The following BICDL1 variants were observed in gnomAD, a reference collection of about 807,000 sequenced individuals.
BICDL1 encodes the protein BICD family-like cargo adapter 1.
In BICDL1, 20 loss-of-function variants were observed where a neutral mutation model predicts 76.8. The ratio of observed to expected loss-of-function variants is 0.26; its 90% CI spans 0.18 to 0.38. BICDL1 has a LOEUF of 0.38. Ranked by LOEUF, BICDL1 falls within the 10% of genes least tolerant of loss-of-function variation. BICDL1 has a pLI of 1.00. For synonymous variants in BICDL1, 383 were observed against 337.1 expected (o/e 1.14, Z -1.49); for missense variants, 700 against 798.6 (o/e 0.88, Z 1.49).
chr12:120,009,647 G>A (rs1259752248), intron 2 of BICDL1, among the ~76,000 whole-genome samples: 1 of 152,156 alleles, frequency 6.6e-6, no homozygotes, highest in Admixed American at 6.5e-5. Context: ...CCCAAATTTT[G>A]TACTTGGTAA....
At chr12:120,047,433 G>T (rs930616269) in intron 2 of BICDL1, among the ~76,000 whole-genome samples, 6 of 152,156 alleles carry the variant, frequency 3.9e-5, no homozygotes, top group Admixed American at 3.9e-4. Flanking sequence ...ATCTTTACGG[G>T]CCTAACTTTG....
chr12:120,072,538 T>G lies in BICDL1; in HGVS notation c.1117T>G (p.Cys373Gly). The G allele has an allele frequency of 6.2e-7, 1 of 1,614,184 alleles. No individual in the cohort carries two copies. The highest frequency in any genetic ancestry group is 8.5e-7 in the Non-Finnish European group (1 of 1,179,998). Residue 373 changes from cysteine to glycine, a missense_variant, in exon 6 of 10, where the codon TGC becomes GGC. Cys to Gly is a radical substitution (Grantham distance 159). Transcript: ENST00000548673. ...QLRLQLWEAY[C>G]QVRYLCSHLR... ...GAGACTGCAGCTCTGGGAAGCCTAC[T>G]GCCAGGTTCGCTATCTGTGCTCACA...
chr12:120,038,570 G>A lies in BICDL1; in HGVS notation c.646-23140G>A, dbSNP rs1016820836. On this transcript the variant is annotated intron_variant, in intron 2 of 9. Coordinates refer to ENST00000548673, the MANE Select transcript of BICDL1 (RefSeq NM_001367886.1). ...TTAAATGTAGTGAATTTTTTTCATT[G>A]TTGGTTTTCTTTAAATCATTATGTT... Among the ~76,000 whole-genome samples, 7 of 151,744 alleles carry A rather than the reference G, an allele frequency of 4.6e-5. 1 individual carries two copies. Among genetic ancestry groups the A allele is most frequent in the Non-Finnish European group, 1.0e-4 (7 of 67,904 alleles).
At chr12:120,026,990 A>G (rs894910118) in intron 2 of BICDL1, among the ~76,000 whole-genome samples, 6 of 151,558 alleles carry the variant, frequency 4.0e-5, no homozygotes, top group African/African-American at 1.5e-4. Context: ...TGGCTATTCC[A>G]GTACCTGAAA....
chr12:119,995,341 A>G (rs186850025), intron 1 of BICDL1, among the ~76,000 whole-genome samples: 6 of 152,354 alleles, frequency 3.9e-5, no homozygotes, highest in Admixed American at 3.9e-4. Context: ...GGATTGGGAA[A>G]CATGAAATAG....
chr12:120,018,367 A>G (rs967309822), intron 2 of BICDL1, among the ~76,000 whole-genome samples: 2 of 152,208 alleles, frequency 1.3e-5, no homozygotes, highest in African/African-American at 4.8e-5. Flanking sequence ...ATTGAACAAA[A>G]TGGACTCTCT....
intron 2 of BICDL1, among the ~76,000 whole-genome samples, chr12:120,017,259 G>A (rs1566218445): frequency 1.3e-5 from 2 of 152,152 alleles, no homozygotes; most frequent in Admixed American, 6.5e-5. Context: ...ACTTTTAAAA[G>A]GATTTATATT....
intron 2 of BICDL1, chr12:120,000,599 A>G (rs1352994863): frequency 6.6e-6 from 1 of 152,200 alleles, no homozygotes; most frequent in Non-Finnish European, 1.5e-5. Context: ...TAAAGGGGAA[A>G]TTAAGATTTC....
At chr12:120,016,841 TAA>T (rs11354011) in intron 2 of BICDL1, among the ~76,000 whole-genome samples, 14 of 147,372 alleles carry the variant, frequency 9.5e-5, no homozygotes, top group Admixed American at 2.7e-4. Flanking sequence ...TTTTAGTATG[TAA>T]AAAAAAAAAA....
chr12:120,000,798 TC>T (rs1951744097), intron 2 of BICDL1, among the ~76,000 whole-genome samples: 1 of 152,178 alleles, frequency 6.6e-6, no homozygotes, highest in East Asian at 1.9e-4. Context: ...AGTTTCCTTT[TC>T]TTTAAAATGG....
At chr12:120,040,230 G>C (rs895192309) in intron 2 of BICDL1, among the ~76,000 whole-genome samples, 1 of 151,914 alleles carries the variant, frequency 6.6e-6, no homozygotes, top group Non-Finnish European at 1.5e-5. Context: ...AGCCTATCGA[G>C]TTGCTAGGAT....
chr12:120,059,959 C>T (rs946128537), intron 2 of BICDL1, among the ~76,000 whole-genome samples: 5 of 152,152 alleles, frequency 3.3e-5, no homozygotes, highest in Admixed American at 2.6e-4. Flanking sequence ...GCAGTCCACC[C>T]ACCTCAGCCT....
chr12:120,064,762 G>A lies in BICDL1; in HGVS notation c.792G>A (p.Glu264=), dbSNP rs1953183844. 3.1e-6 allele frequency: 5 copies of A among 1,613,142 alleles called. No homozygotes were observed. Among genetic ancestry groups the A allele is most frequent in the East Asian group, 4.5e-5 (2 of 44,786 alleles). The change falls in exon 4 of 10, where the codon GAG becomes GAA. Residue 264 remains glutamate, a synonymous_variant. Coordinates refer to ENST00000548673, the MANE Select transcript of BICDL1 (RefSeq NM_001367886.1). ...AGATGCTGTCAGATCGGAAACGGGA[G>A]CTGGAGCATCGTCTCAGCGCTACTT... ...EIKMLSDRKR[E]LEHRLSATLE...
At chr12:119,990,893 G>C (rs554178396) in intron 1 of BICDL1, among the ~76,000 whole-genome samples, 2 of 152,308 alleles carry the variant, frequency 1.3e-5, no homozygotes, top group East Asian at 3.9e-4. Flanking sequence ...TTTAATTTGG[G>C]CCTCAGTATT....
In BICDL1 at chr12:119,989,811, C is replaced by G. The variant is rs1951473473; in HGVS notation, c.-58C>G. 1 of 944,022 alleles carries G rather than the reference C, an allele frequency of 1.1e-6. No individual in the cohort carries two copies. The highest frequency in any genetic ancestry group is 4.9e-5 in the South Asian group (1 of 20,544). 58.5% of individuals were successfully genotyped at this position (944,022 alleles called of 1,614,324 possible). A position where few individuals can be genotyped will look rare whatever the true frequency, so the allele number is the denominator to read the frequency against. ...GGCGGCGCGGCAGGGCCCCTCCCCC[C>G]TGCAGCCTGGCGCGCGCGGGCCGGG... is the stretch of plus-strand genomic sequence containing the variant. On this transcript the variant is annotated 5_prime_UTR_variant, in exon 1 of 10. Transcript: ENST00000548673.
At position 120,092,989 on chromosome 12, in the gene BICDL1, C is replaced by A; in HGVS notation, c.1705-11C>A. 6.5e-7 allele frequency: 1 copy of A among 1,545,672 alleles called. No individual in the cohort carries two copies. ...TACTCAGTCCTGGCCACTGTCCCCTCCCCTCTGCAGGATGACATGCACAGG... is the reference window on the plus strand; with the variant it reads ...TACTCAGTCCTGGCCACTGTCCCCTACCCTCTGCAGGATGACATGCACAGG... On this transcript the variant is annotated splice_polypyrimidine_tract_variant and intron_variant, in intron 9 of 9. Transcript: ENST00000548673.
At chr12:120,065,001 G>C in intron 4 of BICDL1, 122 bp downstream of exon 4, 1 of 1,158,224 alleles carries the variant, frequency 8.6e-7, no homozygotes, top group Non-Finnish European at 1.2e-6. Flanking sequence ...ATGATGCTGA[G>C]GTCTCGCTGT....
intron 1 of BICDL1, among the ~76,000 whole-genome samples, chr12:119,997,772 G>A: frequency 6.6e-6 from 1 of 151,938 alleles, no homozygotes; most frequent in East Asian, 1.9e-4. Flanking sequence ...GTAAGAATCT[G>A]GTATTATGCC....
intron 2 of BICDL1, among the ~76,000 whole-genome samples, chr12:120,020,367 C>T (rs1952154042): frequency 6.6e-6 from 1 of 152,116 alleles, no homozygotes; most frequent in Admixed American, 6.5e-5. Context: ...GATTTAAACA[C>T]ATGAATATAT....
Sources: allele counts gnomAD v4.1 joint callset (sites outside exome capture counted in the v4.1 genomes callset), GRCh38; gene constraint gnomAD v4.1.1; transcripts MANE v1.5; gene names NCBI Gene and HGNC (gene_info 2026-07-23, HGNC 2026-07-21).